Variants in CWC22 observed in about 807,000 individuals in gnomAD.
CWC22 encodes the protein CWC22 spliceosome associated protein, also known as pre-mRNA-splicing factor CWC22 homolog.
CWC22 carries 53 observed loss-of-function variants against 117.2 expected under a neutral mutation model. The ratio of observed to expected loss-of-function variants is 0.45; its 90% CI spans 0.36 to 0.57. CWC22 has a LOEUF of 0.57. CWC22 is among the 20% of genes least tolerant of loss of function. The pLI, the probability that CWC22 is intolerant of heterozygous loss-of-function variation, is 0.00. For synonymous variants in CWC22, 360 were observed against 355.6 expected (o/e 1.01, Z -0.14); for missense variants, 980 against 1,068.8 (o/e 0.92, Z 1.16).
intron 8 of CWC22, among the ~76,000 whole-genome samples, chr2:179,972,504 G>C (rs185987767): frequency 6.6e-6 from 1 of 152,092 alleles, no homozygotes; most frequent in East Asian, 1.9e-4. Context: ...AAGGAATAGA[G>C]GTTTTTGTAG....
chr2:179,944,984 A>G lies in CWC22; in HGVS notation c.*145T>C, dbSNP rs1486350293. On this transcript the variant is annotated 3_prime_UTR_variant, in exon 20 of 20. Transcript: ENST00000410053. The stretch of plus-strand genomic sequence containing the variant: ...AGGGCCTTGAGATGTATCAATTATA[A>G]AACATGTTAAAATGAAAACATTTTT... 1 of 592,320 alleles carries G rather than the reference A, an allele frequency of 1.7e-6. No individual in the cohort carries two copies. The highest frequency in any genetic ancestry group is 1.9e-5 in the African/African-American group (1 of 52,486). The allele number at this position is 592,320 out of a possible 1,614,324, so 36.7% of individuals were successfully genotyped here.
intron 5 of CWC22, among the ~76,000 whole-genome samples, chr2:179,978,750 T>G (rs550805917): frequency 2.0e-5 from 3 of 152,088 alleles, no homozygotes; most frequent in Non-Finnish European, 2.9e-5. Context: ...CAAAAAAAAT[T>G]TGTATGTCCC....
In CWC22 at chr2:179,963,406, C is replaced by G. The variant is rs979979555; in HGVS notation, c.1397+1141G>C. Among the ~76,000 whole-genome samples the G allele has an allele frequency of 3.9e-4, 55 of 140,568 alleles. 1 individual carries two copies. The highest frequency in any genetic ancestry group is 4.5e-4 in the South Asian group (2 of 4,420). The allele number at this position is 140,568 out of a possible 152,430, so 92.2% of individuals were successfully genotyped here. A position where few individuals can be genotyped will look rare whatever the true frequency, so the allele number is the denominator to read the frequency against. On this transcript the variant is annotated intron_variant, in intron 13 of 19. Coordinates refer to ENST00000410053, the MANE Select transcript of CWC22 (RefSeq NM_020943.3). Reference sequence around the variant, plus strand: ...CGCCCAGGCTGGAGTGCAGTGGCGCCATCTCGGCTCACTGCAAGCTCCGCC... The same window carrying G: ...CGCCCAGGCTGGAGTGCAGTGGCGCGATCTCGGCTCACTGCAAGCTCCGCC...
rs186266976 is a variant in CWC22 at position 179,957,343 on chromosome 2, T to C, written c.1458+1679A>G. Among the ~76,000 whole-genome samples, 308 of 152,324 alleles carry C rather than the reference T, an allele frequency of 2.0e-3. 2 individuals carry two copies. Among genetic ancestry groups the C allele is most frequent in the African/African-American group, 6.9e-3 (288 of 41,578 alleles). On this transcript the variant is annotated intron_variant, in intron 14 of 19. Transcript: ENST00000410053. ...ATTTTTTGTCAAAATTCCATATCACTATATTTCAAGAATTAATCTATATTC... is the reference window on the plus strand; with the variant it reads ...ATTTTTTGTCAAAATTCCATATCACCATATTTCAAGAATTAATCTATATTC...
chr2:179,945,447 G>A lies in CWC22; in HGVS notation c.2409C>T (p.Asp803=), dbSNP rs778092225. The part of the protein sequence containing the change: ...ERNNYSRVAN[D]RDQEMHIDLE... ...AATCTATATGCATTTCTTGGTCTCT[G>A]TCATTCGCAACTCTACTGTAGTTAT... The change falls in exon 20 of 20, where the codon GAC becomes GAT. Residue 803 remains aspartate (D), a synonymous_variant. Transcript: ENST00000410053. 1.2e-6 allele frequency: 2 copies of A among 1,612,768 alleles called. No individual in the cohort carries two copies. The highest frequency in any genetic ancestry group is 3.3e-5 in the Admixed American group (2 of 59,988).
chr2:179,972,226 T>C (rs1687051247), intron 8 of CWC22, among the ~76,000 whole-genome samples: 1 of 152,176 alleles, frequency 6.6e-6, no homozygotes, highest in Non-Finnish European at 1.5e-5. Context: ...AGACTAAGCA[T>C]GACTTTAAAA....
At chr2:179,963,059 T>C (rs1203576401) in intron 13 of CWC22, among the ~76,000 whole-genome samples, 1 of 152,104 alleles carries the variant, frequency 6.6e-6, no homozygotes, top group African/African-American at 2.4e-5. Flanking sequence ...TAGTGGCTAT[T>C]ACTTGTTTTT....
rs1687084456 is a variant in CWC22 at position 179,973,627 on chromosome 2, T to A, written c.750+7A>T. Reference sequence around the variant, plus strand: ...TATCATTCTACTTACAAGCCATTCATATATACCTTGTCATTTCTTCGATAG... The same window carrying A: ...TATCATTCTACTTACAAGCCATTCAAATATACCTTGTCATTTCTTCGATAG... On this transcript the variant is annotated splice_region_variant and intron_variant, in intron 7 of 19. Transcript: ENST00000410053. 1.9e-6 allele frequency: 3 copies of A among 1,556,130 alleles called. No individual in the cohort carries two copies. The highest frequency in any genetic ancestry group is 2.6e-6 in the Non-Finnish European group (3 of 1,139,114).
In CWC22 at chr2:179,990,197, T is replaced by C. The variant is rs370605891; in HGVS notation, c.28-1553A>G. ...ATTAAATTCAACCATTTTAAAATTC[T>C]GTATCTAATATAAGAAAGTTTTAAA... On this transcript the variant is annotated intron_variant, in intron 2 of 19. Coordinates refer to ENST00000410053, the MANE Select transcript of CWC22 (RefSeq NM_020943.3). Among the ~76,000 whole-genome samples the C allele has an allele frequency of 3.7e-4, 56 of 152,338 alleles. No individual in the cohort carries two copies. The South Asian group carries it at 0.011, about 31-fold the overall frequency.
rs1448556654 is a variant in CWC22 at position 179,945,275 on chromosome 2, G to T, written c.2581C>A (p.His861Asn). The T allele has an allele frequency of 6.2e-7, 1 of 1,613,522 alleles. No homozygotes were observed. The highest frequency in any genetic ancestry group is 1.3e-5 in the African/African-American group (1 of 74,858). The change falls in exon 20 of 20, where the codon CAC becomes AAC. Residue 861 changes from histidine (H) to asparagine (N), a missense_variant. Transcript: ENST00000410053. ...RSKSKEMNRK[H>N]SGSRSDEDRY... ...TCTTCATCACTTCTTGAGCCTGAGT[G>T]CTTTCTATTCATTTCCTTTGACTTT...
intron 8 of CWC22, among the ~76,000 whole-genome samples, chr2:179,971,676 T>G (rs1687037760): frequency 6.6e-6 from 1 of 152,204 alleles, no homozygotes; most frequent in African/African-American, 2.4e-5. Context: ...GTTCAAAAAC[T>G]GACATTTATA....
rs965934223 is a variant in CWC22, at chr2:179,988,721, A to G, written c.28-77T>C. ...CACAGACTGAAATACATGGCTTAGA[A>G]AGTTGGAAGTACTTTAGAAATTGTA... On this transcript the variant is annotated intron_variant, in intron 2 of 19. Coordinates refer to ENST00000410053, the MANE Select transcript of CWC22 (RefSeq NM_020943.3). 19 of 702,070 alleles carry G rather than the reference A, an allele frequency of 2.7e-5. No homozygotes were observed. In the African/African-American group the frequency reaches 3.5e-4, roughly 13 times the overall value. 43.5% of individuals were successfully genotyped at this position (702,070 alleles called of 1,614,324 possible).
chr2:179,954,487 A>G (rs1686533119), intron 15 of CWC22, 130 bp from the exon 16 acceptor site: 4 of 581,808 alleles, frequency 6.9e-6, no homozygotes, highest in Non-Finnish European at 1.2e-5. Flanking sequence ...ATATCACTAA[A>G]TCCTTTTGTG....
chr2:179,956,899 C>T (rs1336968470), intron 14 of CWC22, among the ~76,000 whole-genome samples: 1 of 151,794 alleles, frequency 6.6e-6, no homozygotes, highest in African/African-American at 2.4e-5. Flanking sequence ...AACAAATTAC[C>T]TTCTTCCCTA....
At chr2:179,999,152 A>G (rs1687783862) in intron 1 of CWC22, among the ~76,000 whole-genome samples, 1 of 152,162 alleles carries the variant, frequency 6.6e-6, no homozygotes, top group Non-Finnish European at 1.5e-5. Flanking sequence ...TGAATAAAGT[A>G]TTGTCATTGT....
chr2:179,954,411 G>A, intron 15 of CWC22, 54 bp from the exon 16 acceptor site: 1 of 1,120,046 alleles, frequency 8.9e-7, no homozygotes, highest in Non-Finnish European at 1.3e-6. Flanking sequence ...ACAATTATGA[G>A]CATATTAAAT....
At chr2:180,003,566 C>A (rs1246044580) in intron 1 of CWC22, among the ~76,000 whole-genome samples, 1 of 152,194 alleles carries the variant, frequency 6.6e-6, no homozygotes, top group Admixed American at 6.5e-5. Context: ...AGGTGTTGGC[C>A]TCCACAGAGA....
intron 17 of CWC22, 52 bp from the exon 18 acceptor site, chr2:179,950,978 G>C: frequency 9.0e-7 from 1 of 1,105,900 alleles, no homozygotes; most frequent in Non-Finnish European, 1.3e-6. Flanking sequence ...AAGATAAAAA[G>C]GTAAAATCCT....
chr2:179,965,156 G>T (rs985330444), intron 12 of CWC22, among the ~76,000 whole-genome samples: 1 of 152,036 alleles, frequency 6.6e-6, no homozygotes, highest in Non-Finnish European at 1.5e-5. Flanking sequence ...ATGGATAGAA[G>T]ATAATTTTAA....
Sources: gnomAD v4.1 joint callset for allele counts (sites outside exome capture counted in the v4.1 genomes callset) on GRCh38, gnomAD v4.1.1 for gene constraint, MANE v1.5 for transcripts, NCBI Gene and HGNC (gene_info 2026-07-23, HGNC 2026-07-21) for gene names.